STXBP4: variants seen among roughly 807,000 people sequenced by gnomAD.
The protein encoded by STXBP4 is syntaxin-binding protein 4.
A neutral mutation model predicts 76.1 loss-of-function variants in STXBP4; 55 were observed. The observed-to-expected ratio is 0.72, with a 90% CI of 0.58 to 0.91. The LOEUF is 0.91. Among genes scored for constraint, STXBP4 ranks in the 40% least tolerant of loss-of-function variants. STXBP4 has a pLI of 0.00. For missense variants in STXBP4, 618 were observed against 636.9 expected, an observed-to-expected ratio of 0.97 and a Z score of 0.32; for synonymous variants, 201 against 220.2, an observed-to-expected ratio of 0.91 and a Z score of 0.77.
chr17:55,186,599 T>C, the STXBP4 span, among the ~76,000 whole-genome samples: 1 of 152,198 alleles, frequency 6.6e-6, no homozygotes, highest in African/African-American at 2.4e-5. Context: ...ACAAGGCAGC[T>C]GAGTTGAAGA....
At chr17:54,982,092 T>G (rs988890601) in intron 1 of STXBP4, among the ~76,000 whole-genome samples, 1 of 152,194 alleles carries the variant, frequency 6.6e-6, no homozygotes, top group Non-Finnish European at 1.5e-5. Flanking sequence ...TGAGGGACAT[T>G]TGGCAATTTG....
the STXBP4 span, among the ~76,000 whole-genome samples, chr17:55,208,889 C>G: frequency 2.6e-5 from 4 of 151,710 alleles, no homozygotes; most frequent in Non-Finnish European, 5.9e-5. Flanking sequence ...CAAGACCAGC[C>G]TGGCCAACAT....
intron 13 of STXBP4, among the ~76,000 whole-genome samples, chr17:55,077,721 G>GTGTGTC (rs2079201114): frequency 6.6e-6 from 1 of 150,672 alleles, no homozygotes; most frequent in Non-Finnish European, 1.5e-5. Context: ...GTGTGTGTGT[G>GTGTGTC]TGTGTGTGTA....
At chr17:55,003,016 A>G (rs2077945110) in intron 7 of STXBP4, among the ~76,000 whole-genome samples, 1 of 152,216 alleles carries the variant, frequency 6.6e-6, no homozygotes, top group Admixed American at 6.5e-5. Context: ...AAAAACTAGT[A>G]TATAATAAGG....
intron 16 of STXBP4, among the ~76,000 whole-genome samples, chr17:55,117,599 GAAA>G (rs11452679): frequency 1.4e-5 from 2 of 147,094 alleles, no homozygotes; most frequent in Admixed American, 1.4e-4. Flanking sequence ...TGCACTAATC[GAAA>G]AAAAAAAACA....
At chr17:55,183,806 TA>T in the STXBP4 span, among the ~76,000 whole-genome samples, 1 of 152,184 alleles carries the variant, frequency 6.6e-6, no homozygotes, top group Non-Finnish European at 1.5e-5. Flanking sequence ...AACTTCATAA[TA>T]AAAAATGGTT....
At chr17:55,184,274 CATATT>C in the STXBP4 span, among the ~76,000 whole-genome samples, 3 of 152,118 alleles carry the variant, frequency 2.0e-5, no homozygotes, top group African/African-American at 4.8e-5. Flanking sequence ...GAAAATGTGA[CATATT>C]ATTTATAACC....
intron 9 of STXBP4, 40 bp from the exon 10 acceptor site, chr17:55,034,128 G>T (rs747039516): frequency 6.7e-7 from 1 of 1,491,374 alleles, no homozygotes; most frequent in Non-Finnish European, 9.3e-7. Context: ...TTTAGAAGGG[G>T]TTAAATGCCA....
chr17:54,988,539 C>T (rs893267302), intron 3 of STXBP4, among the ~76,000 whole-genome samples: 13 of 152,040 alleles, frequency 8.6e-5, no homozygotes, highest in African/African-American at 1.7e-4. Context: ...TTTGGGAGGC[C>T]GAGGCGGGTG....
At chr17:55,178,458 C>T (rs1022899484), downstream of STXBP4, among the ~76,000 whole-genome samples, 1 of 152,192 alleles carries the variant, frequency 6.6e-6, no homozygotes, top group African/African-American at 2.4e-5. Flanking sequence ...ATATCAAAGA[C>T]CTCTCACTCA....
At chr17:55,077,272 A>C (rs2079194967) in intron 13 of STXBP4, among the ~76,000 whole-genome samples, 1 of 152,158 alleles carries the variant, frequency 6.6e-6, no homozygotes, top group South Asian at 2.1e-4. Context: ...TTTTAGAAAT[A>C]TCTCTCCAGA....
Position 55,160,078 on chromosome 17 carries a change from T to A in STXBP4, c.*167T>A, listed in dbSNP as rs2080324194. ...ATTTTTGTAAAACTTTTGATATTTCTGTATACATTTAAAAAATCAATTGCC... is the reference window on the plus strand; with the variant it reads ...ATTTTTGTAAAACTTTTGATATTTCAGTATACATTTAAAAAATCAATTGCC... On this transcript the variant is annotated 3_prime_UTR_variant, in exon 18 of 18. Coordinates refer to ENST00000376352, the MANE Select transcript of STXBP4 (RefSeq NM_178509.6). The A allele has an allele frequency of 4.1e-6, 2 of 485,072 alleles. No homozygotes were observed. The highest frequency in any genetic ancestry group is 7.6e-5 in the South Asian group (2 of 26,240). 30.0% of individuals were successfully genotyped at this position (485,072 alleles called of 1,614,324 possible). A position where few individuals can be genotyped will look rare whatever the true frequency, so the allele number is the denominator to read the frequency against.
chr17:55,045,275 GCA>G (rs1048431450), intron 11 of STXBP4, among the ~76,000 whole-genome samples: 45 of 151,828 alleles, frequency 3.0e-4, no homozygotes, highest in African/African-American at 1.0e-3. Context: ...ATTTTTTAGT[GCA>G]ACAATTGTTT....
At chr17:55,143,675 C>T (rs75356251) in intron 17 of STXBP4, among the ~76,000 whole-genome samples, 3,506 of 152,252 alleles carry the variant, frequency 0.023, 60 homozygotes, top group Non-Finnish European at 0.037. Context: ...CTTTGGCTGC[C>T]CTGGGAACCA....
At chr17:55,076,838 A>G (rs960714819) in intron 13 of STXBP4, among the ~76,000 whole-genome samples, 1 of 151,624 alleles carries the variant, frequency 6.6e-6, no homozygotes, top group Non-Finnish European at 1.5e-5. Context: ...TTGTATTTCA[A>G]TTTTTGTCTT....
rs16955700 is a variant in STXBP4 at position 55,164,943 on chromosome 17, G to C, written c.*5032G>C. The C allele has an allele frequency of 0.18, 27,620 of 152,086 alleles. 3,071 individuals carry two copies. The highest frequency in any genetic ancestry group is 0.37 in the Middle Eastern group (109 of 294). 9.4% of individuals were successfully genotyped at this position (152,086 alleles called of 1,614,324 possible). A position where few individuals can be genotyped will look rare whatever the true frequency, so the allele number is the denominator to read the frequency against. ...CTTCACTGAGTAGTAGGGATACAATGTGAGATATATGTGTTTCTAGCCCTT... is the reference window on the plus strand; with the variant it reads ...CTTCACTGAGTAGTAGGGATACAATCTGAGATATATGTGTTTCTAGCCCTT... On this transcript the variant is annotated 3_prime_UTR_variant, in exon 18 of 18. Coordinates refer to ENST00000376352, the MANE Select transcript of STXBP4 (RefSeq NM_178509.6).
intron 1 of STXBP4, among the ~76,000 whole-genome samples, chr17:54,974,144 T>C (rs970672631): frequency 7.9e-5 from 12 of 152,206 alleles, no homozygotes; most frequent in Admixed American, 3.9e-4. Flanking sequence ...CTAGTGGTTT[T>C]CCTGATAAAG....
At position 55,072,939 on chromosome 17, in the gene STXBP4, A is replaced by G. The variant is rs2079139216; in HGVS notation, c.1051A>G (p.Ser351Gly). Reference sequence around the variant, plus strand: ...AGTTGAAGAAACAAGAGCCCTGCGTAGTCGGATTCATCTTGCTGAAGCTGC... The same window carrying G: ...AGTTGAAGAAACAAGAGCCCTGCGTGGTCGGATTCATCTTGCTGAAGCTGC... The part of the protein sequence containing the change: ...AVVEETRALR[S>G]RIHLAEAAQR... The change falls in exon 13 of 18, where the codon AGT becomes GGT. Residue 351 changes from serine (S) to glycine (G), a missense_variant. By Grantham distance (56) the Ser-to-Gly change is moderately conservative (BLOSUM62 0). Coordinates refer to ENST00000376352, the MANE Select transcript of STXBP4 (RefSeq NM_178509.6). 1.9e-6 allele frequency: 3 copies of G among 1,613,604 alleles called. No individual in the cohort carries two copies. Among genetic ancestry groups the G allele is most frequent in the African/African-American group, 1.3e-5 (1 of 74,908 alleles).
In STXBP4 at chr17:55,163,827, C is replaced by G. The variant is rs1443872201; in HGVS notation, c.*3916C>G. The G allele has an allele frequency of 2.1e-5, 2 of 96,112 alleles. No homozygotes were observed. Among genetic ancestry groups the G allele is most frequent in the Non-Finnish European group, 4.2e-5 (2 of 47,398 alleles). 6.0% of individuals were successfully genotyped at this position (96,112 alleles called of 1,614,324 possible). A position where few individuals can be genotyped will look rare whatever the true frequency, so the allele number is the denominator to read the frequency against. ...CCAAAATAATATTAACACCTCTTGACTAGAAAAGGAAAAAAAAGGAACATG... is the reference window on the plus strand; with the variant it reads ...CCAAAATAATATTAACACCTCTTGAGTAGAAAAGGAAAAAAAAGGAACATG... On this transcript the variant is annotated 3_prime_UTR_variant, in exon 18 of 18. Coordinates refer to ENST00000376352, the MANE Select transcript of STXBP4 (RefSeq NM_178509.6).
Sources: allele counts gnomAD v4.1 joint callset (sites outside exome capture counted in the v4.1 genomes callset), GRCh38; gene constraint gnomAD v4.1.1; transcripts MANE v1.5; gene names NCBI Gene and HGNC (gene_info 2026-07-23, HGNC 2026-07-21).